The following HOMER2 variants were observed in gnomAD, a reference collection of about 807,000 sequenced individuals.
HOMER2 encodes homer scaffold protein 2.
A neutral mutation model predicts 47.0 loss-of-function variants in HOMER2; 27 were observed. That is an observed-to-expected ratio of 0.57 (90% CI 0.42 to 0.79). The LOEUF is 0.79. Among genes scored for constraint, HOMER2 ranks in the 30% least tolerant of loss-of-function variants. The pLI is 0.00. For synonymous variants in HOMER2, 161 were observed against 163.8 expected (o/e 0.98, Z 0.13); for missense variants, 443 against 435.0 (o/e 1.02, Z -0.16).
intron 1 of HOMER2, among the ~76,000 whole-genome samples, chr15:82,920,720 C>T (rs553785250): frequency 2.0e-5 from 3 of 152,322 alleles, no homozygotes; most frequent in Non-Finnish European, 4.4e-5. Flanking sequence ...CTCCCCATCT[C>T]AAAGTCCTTA....
chr15:82,984,059 G>C (rs1279230019), intron 1 of HOMER2, among the ~76,000 whole-genome samples: 1 of 148,842 alleles, frequency 6.7e-6, no homozygotes, highest in Non-Finnish European at 1.5e-5. Context: ...TTGAGACGGA[G>C]TCTTGCTCTG....
Position 82,875,351 on chromosome 15 carries a change from C to T in HOMER2, c.216G>A (p.Gln72=). The part of the protein sequence containing the change: ...TPNMTFTKTS[Q]KFGQWADSRA... ...TGCTGTCGGCCCACTGCCCAAACTT[C>T]TGTGACGTTTTGGTGAAGGTCATAT... The change falls in exon 3 of 9, where the codon CAG becomes CAA. Residue 72 remains glutamine (Q), a synonymous_variant. Transcript: ENST00000450735. The T allele has an allele frequency of 6.2e-7, 1 of 1,614,000 alleles. No individual in the cohort carries two copies.
At chr15:82,930,989 G>T (rs1053510609) in intron 1 of HOMER2, among the ~76,000 whole-genome samples, 1 of 152,024 alleles carries the variant, frequency 6.6e-6, no homozygotes, top group Non-Finnish European at 1.5e-5. Flanking sequence ...TGCACCTCCT[G>T]CCCTGTGCAC....
chr15:82,983,553 G>C (rs1031347051), intron 1 of HOMER2, among the ~76,000 whole-genome samples: 26 of 151,060 alleles, frequency 1.7e-4, no homozygotes, highest in African/African-American at 5.8e-4. Context: ...CAATTTCCCA[G>C]GCTTAAAGAA....
At chr15:82,866,466 T>C (rs1428649866) in intron 3 of HOMER2, among the ~76,000 whole-genome samples, 1 of 152,218 alleles carries the variant, frequency 6.6e-6, no homozygotes, top group Non-Finnish European at 1.5e-5. Context: ...GAGTTAATGC[T>C]GAAATGAGTT....
chr15:82,919,242 A>G (rs1476618019), intron 1 of HOMER2, among the ~76,000 whole-genome samples: 2 of 152,220 alleles, frequency 1.3e-5, no homozygotes, highest in Non-Finnish European at 2.9e-5. Context: ...GGTCTCTCCC[A>G]TTTATACCAG....
At chr15:82,934,465 G>A (rs969850935) in intron 1 of HOMER2, among the ~76,000 whole-genome samples, 3 of 152,068 alleles carry the variant, frequency 2.0e-5, no homozygotes, top group African/African-American at 7.2e-5. Flanking sequence ...AACATGAGCT[G>A]CAGATCCCTT....
chr15:82,956,436 C>T (rs989634735), upstream of HOMER2, among the ~76,000 whole-genome samples: 2 of 151,994 alleles, frequency 1.3e-5, no homozygotes, highest in Non-Finnish European at 2.9e-5. Context: ...GTATGCAGGG[C>T]CCTTTGGCTG....
chr15:82,873,105 C>G (rs145382850), intron 3 of HOMER2, among the ~76,000 whole-genome samples: 17 of 152,242 alleles, frequency 1.1e-4, no homozygotes, highest in Admixed American at 3.9e-4. Flanking sequence ...AAAAAGGCAC[C>G]AAATGGCCTT....
intron 1 of HOMER2, among the ~76,000 whole-genome samples, chr15:82,903,209 C>T (rs1043199283): frequency 6.6e-6 from 1 of 152,090 alleles, no homozygotes; most frequent in Non-Finnish European, 1.5e-5. Context: ...TGGCCTAGAG[C>T]GGTAGGGACC....
intron 1 of HOMER2, among the ~76,000 whole-genome samples, chr15:82,907,835 G>C (rs2053333461): frequency 6.6e-6 from 1 of 152,160 alleles, no homozygotes; most frequent in Non-Finnish European, 1.5e-5. Flanking sequence ...TGGCCAAAAA[G>C]TAGAAACAAC....
At chr15:82,874,711 T>C in intron 3 of HOMER2, among the ~76,000 whole-genome samples, 1 of 152,214 alleles carries the variant, frequency 6.6e-6, no homozygotes, top group East Asian at 1.9e-4. Context: ...TGCATCACCT[T>C]ACTCCCCAAG....
intron 1 of HOMER2, among the ~76,000 whole-genome samples, chr15:82,949,551 A>G (rs1171589796): frequency 6.6e-6 from 1 of 152,184 alleles, no homozygotes; most frequent in East Asian, 1.9e-4. Context: ...GTGAGGCAGA[A>G]GCAAGACTGT....
At chr15:82,847,980 G>A (rs1038026258), downstream of HOMER2, among the ~76,000 whole-genome samples, 1 of 152,168 alleles carries the variant, frequency 6.6e-6, no homozygotes, top group Non-Finnish European at 1.5e-5. Flanking sequence ...TCACAAAGAT[G>A]GCTGGCCACG....
At chr15:82,897,065 C>CTTTTCT (rs2052950176) in intron 1 of HOMER2, among the ~76,000 whole-genome samples, 3 of 101,828 alleles carry the variant, frequency 2.9e-5, no homozygotes, top group African/African-American at 7.6e-5. Flanking sequence ...GATGTCATTT[C>CTTTTCT]TTTTTTTTTT....
rs1326983120 is a variant in HOMER2 at position 82,864,222 on chromosome 15, T to C, written c.332A>G (p.Lys111Arg). The C allele has an allele frequency of 1.2e-6, 2 of 1,612,712 alleles. No individual in the cohort carries two copies. The highest frequency in any genetic ancestry group is 1.7e-6 in the Non-Finnish European group (2 of 1,179,386). Residue 111 changes from lysine to arginine, a missense_variant, in exon 4 of 9, where the codon AAG becomes AGG. By Grantham distance (26) the Lys-to-Arg change is conservative. Coordinates refer to ENST00000450735, the MANE Select transcript of HOMER2 (RefSeq NM_004839.4). ...EKFQEVKEAA[K>R]IAKDKTQEKI... ...CTCCTGCGTCTTGTCTTTGGCTATCTTGGCAGCTTCTTTCACCTCCTGGAA... is the reference window on the plus strand; with the variant it reads ...CTCCTGCGTCTTGTCTTTGGCTATCCTGGCAGCTTCTTTCACCTCCTGGAA...
chr15:82,908,138 C>G (rs1049280846), intron 1 of HOMER2, among the ~76,000 whole-genome samples: 3 of 123,858 alleles, frequency 2.4e-5, no homozygotes, highest in Non-Finnish European at 3.9e-5. Flanking sequence ...CTAATGGATT[C>G]TGACTTTCAG....
intron 1 of HOMER2, chr15:82,985,655 A>G (rs2030568694): frequency 6.6e-6 from 1 of 152,220 alleles, no homozygotes; most frequent in Non-Finnish European, 1.5e-5. Context: ...GTGTTTATAC[A>G]TTTGCTGAAC....
upstream of HOMER2, chr15:82,986,109 T>C: frequency 1.0e-6 from 1 of 985,530 alleles, no homozygotes; most frequent in Non-Finnish European, 1.2e-6. Flanking sequence ...TGTGCCAGCA[T>C]TTGAAGAAGC....
Sources: gnomAD v4.1 joint callset for allele counts (sites outside exome capture counted in the v4.1 genomes callset) on GRCh38, gnomAD v4.1.1 for gene constraint, MANE v1.5 for transcripts, NCBI Gene and HGNC (gene_info 2026-07-23, HGNC 2026-07-21) for gene names.